Variants in MACO1 observed in about 807,000 individuals in gnomAD.
The protein encoded by MACO1 is macoilin 1.
In MACO1, 14 loss-of-function variants were observed where a neutral mutation model predicts 78.7. The observed-to-expected ratio is 0.18, with a 90% CI of 0.12 to 0.28. The LOEUF (loss-of-function observed/expected upper bound fraction) is 0.28. MACO1 is among the 10% of genes least tolerant of loss of function. The probability of loss-of-function intolerance (pLI) is 1.00; values close to 1 mark genes in which losing one functional copy is unlikely to be tolerated. For synonymous variants in MACO1, 288 were observed against 291.6 expected (o/e 0.99, Z 0.12); for missense variants, 501 against 799.0 (o/e 0.63, Z 4.50).
chr1:25,451,615 C>T (rs7554255), intron 3 of MACO1, among the ~76,000 whole-genome samples: 65,427 of 151,938 alleles, frequency 0.43, 15,514 homozygotes, highest in Non-Finnish European at 0.54. Flanking sequence ...TGTGAAAATA[C>T]CTATTTTTGG....
At chr1:25,447,800 AGCT>A (rs1169882899) in intron 2 of MACO1, among the ~76,000 whole-genome samples, 2 of 152,218 alleles carry the variant, frequency 1.3e-5, no homozygotes, top group African/African-American at 4.8e-5. Context: ...ACATTTAGAC[AGCT>A]GCTGGATTGG....
chr1:25,483,006 A>G (rs184160871), intron 6 of MACO1, among the ~76,000 whole-genome samples: 4 of 152,182 alleles, frequency 2.6e-5, no homozygotes, highest in Admixed American at 2.6e-4. Flanking sequence ...CTAATTGTGA[A>G]GTTTTCCCAT....
chr1:25,455,133 AAT>A, intron 4 of MACO1, among the ~76,000 whole-genome samples: 1 of 152,340 alleles, frequency 6.6e-6, no homozygotes, highest in South Asian at 2.1e-4. Context: ...GTCTTGATGA[AAT>A]ATATGGCTAA....
At chr1:25,439,609 G>A (rs987587308) in intron 1 of MACO1, among the ~76,000 whole-genome samples, 6 of 151,650 alleles carry the variant, frequency 4.0e-5, no homozygotes, top group African/African-American at 9.7e-5. Context: ...ACAAGGAGGT[G>A]CCTGCAGAAT....
chr1:25,484,412 T>G (rs535269542), intron 7 of MACO1, 138 bp downstream of exon 7: 1 of 791,452 alleles, frequency 1.3e-6, no homozygotes, highest in African/African-American at 1.8e-5. Flanking sequence ...AAATACTTTA[T>G]TTAGTACCAG....
Position 25,431,191 on chromosome 1 carries a change from A to AC in MACO1, c.80+18dup. 2.5e-6 allele frequency: 4 copies of AC among 1,578,710 alleles called. No individual in the cohort carries two copies. The highest frequency in any genetic ancestry group is 3.4e-6 in the Non-Finnish European group (4 of 1,166,868). ...GCATTTACGGCAGGTGAGCGGCTGC[A>AC]CCCCCACTCCGCGGGCGCGGGCCCT... is the stretch of plus-strand genomic sequence containing the variant. On this transcript the variant is annotated intron_variant, in intron 1 of 10. Coordinates refer to ENST00000374343, the MANE Select transcript of MACO1 (RefSeq NM_018202.6).
At chr1:25,489,041 G>A (rs1441100998) in intron 8 of MACO1, 132 bp from the exon 9 acceptor site, 9 of 1,164,090 alleles carry the variant, frequency 7.7e-6, no homozygotes, top group African/African-American at 3.1e-5. Context: ...GGTTGGTCTC[G>A]AACCCCTGAC....
chr1:25,488,892 G>T (rs2043458784), intron 8 of MACO1, among the ~76,000 whole-genome samples: 1 of 152,006 alleles, frequency 6.6e-6, no homozygotes, highest in Admixed American at 6.5e-5. Context: ...ATCTGGACTC[G>T]CTGCAACCTC....
At chr1:25,463,698 G>A (rs759058479) in intron 6 of MACO1, among the ~76,000 whole-genome samples, 1 of 152,120 alleles carries the variant, frequency 6.6e-6, no homozygotes, top group Non-Finnish European at 1.5e-5. Flanking sequence ...TATTTTAAGT[G>A]TGAAAAAAAT....
At chr1:25,497,711 C>T (rs766237997) in intron 10 of MACO1, among the ~76,000 whole-genome samples, 5 of 152,162 alleles carry the variant, frequency 3.3e-5, no homozygotes, top group Non-Finnish European at 7.3e-5. Flanking sequence ...GTGGCAGAAG[C>T]GTATTACTGT....
intron 8 of MACO1, among the ~76,000 whole-genome samples, chr1:25,488,479 G>A (rs2043454546): frequency 6.6e-6 from 1 of 152,048 alleles, no homozygotes; most frequent in Non-Finnish European, 1.5e-5. Flanking sequence ...CACAATACAA[G>A]TAAACCTATA....
chr1:25,471,570 A>G (rs1198066933), intron 6 of MACO1, among the ~76,000 whole-genome samples: 2 of 152,238 alleles, frequency 1.3e-5, no homozygotes, highest in African/African-American at 4.8e-5. Context: ...GGTTTGTCAC[A>G]GTACACAGTG....
At chr1:25,431,543 ACTGGCCGCCG>A (rs1457789133) in intron 1 of MACO1, among the ~76,000 whole-genome samples, 7 of 150,932 alleles carry the variant, frequency 4.6e-5, no homozygotes, top group Non-Finnish European at 8.9e-5. Flanking sequence ...GGGACCTCTG[ACTGGCCGCCG>A]CTGGCCCCCG....
intron 6 of MACO1, among the ~76,000 whole-genome samples, chr1:25,482,586 A>G (rs929571400): frequency 6.6e-6 from 1 of 152,048 alleles, no homozygotes; most frequent in Non-Finnish European, 1.5e-5. Flanking sequence ...ATCCTATCCA[A>G]ACATCAGGGC....
chr1:25,488,874 G>A (rs951950008), intron 8 of MACO1, among the ~76,000 whole-genome samples: 28 of 152,212 alleles, frequency 1.8e-4, no homozygotes, highest in African/African-American at 6.5e-4. Context: ...CTGGAGTGCA[G>A]TGGCACGATC....
At chr1:25,467,615 A>G (rs576028290) in intron 6 of MACO1, among the ~76,000 whole-genome samples, 12 of 152,266 alleles carry the variant, frequency 7.9e-5, no homozygotes, top group Admixed American at 5.9e-4. Context: ...TTAATATGGT[A>G]TCAACCCTTT....
chr1:25,470,761 G>GT (rs1252953976), intron 6 of MACO1, among the ~76,000 whole-genome samples: 1 of 152,222 alleles, frequency 6.6e-6, no homozygotes, highest in Non-Finnish European at 1.5e-5. Flanking sequence ...GGGCTCAGTG[G>GT]TTCACACCTG....
intron 5 of MACO1, 142 bp from the exon 6 acceptor site, chr1:25,458,249 C>A: frequency 9.0e-7 from 1 of 1,108,026 alleles, no homozygotes; most frequent in Non-Finnish European, 1.2e-6. Context: ...GGATTTGCTT[C>A]TTGATTAGCG....
intron 2 of MACO1, 53 bp from the exon 3 acceptor site, chr1:25,448,755 A>G: frequency 7.1e-7 from 1 of 1,415,526 alleles, no homozygotes; most frequent in Non-Finnish European, 9.4e-7. Flanking sequence ...TGTGTGGTTG[A>G]AAATAACAGG....
Sources: gnomAD v4.1 joint callset for allele counts (sites outside exome capture counted in the v4.1 genomes callset) on GRCh38, gnomAD v4.1.1 for gene constraint, MANE v1.5 for transcripts, NCBI Gene and HGNC (gene_info 2026-07-23, HGNC 2026-07-21) for gene names.